The following MEGF9 variants were observed in gnomAD, a reference collection of about 807,000 sequenced individuals.
The protein encoded by MEGF9 is multiple epidermal growth factor-like domains protein 9.
In MEGF9, 6 loss-of-function variants were observed where a neutral mutation model predicts 46.8. That is an observed-to-expected ratio of 0.13 (90% CI 0.07 to 0.25). The LOEUF (loss-of-function observed/expected upper bound fraction) is 0.25. Among genes scored for constraint, MEGF9 ranks in the 10% least tolerant of loss-of-function variants. MEGF9 has a pLI of 1.00. For synonymous variants in MEGF9, 302 were observed against 330.7 expected (o/e 0.91, Z 0.94); for missense variants, 683 against 792.4 (o/e 0.86, Z 1.66).
intron 1 of MEGF9, among the ~76,000 whole-genome samples, chr9:120,701,588 C>T (rs1343516969): frequency 6.6e-6 from 1 of 152,152 alleles, no homozygotes; most frequent in East Asian, 1.9e-4. Context: ...AACATATGGA[C>T]AGACTGAAAC....
chr9:120,613,592 AAAAAC>A (rs1231379464), intron 3 of MEGF9, among the ~76,000 whole-genome samples: 1 of 152,162 alleles, frequency 6.6e-6, no homozygotes, highest in East Asian at 1.9e-4. Flanking sequence ...AAGAAAAGAA[AAAAAC>A]AAAACAAAGT....
At chr9:120,696,770 G>T (rs529321094) in intron 1 of MEGF9, among the ~76,000 whole-genome samples, 1 of 152,128 alleles carries the variant, frequency 6.6e-6, no homozygotes, top group Non-Finnish European at 1.5e-5. Flanking sequence ...GAATTATAGT[G>T]AAACATAAAT....
chr9:120,683,436 C>G (rs1422808999), intron 1 of MEGF9, among the ~76,000 whole-genome samples: 1 of 152,174 alleles, frequency 6.6e-6, no homozygotes, highest in Non-Finnish European at 1.5e-5. Context: ...GGGGCAGTTT[C>G]CCTCATGCTC....
chr9:120,693,022 C>T (rs2043856795), intron 1 of MEGF9, among the ~76,000 whole-genome samples: 1 of 152,124 alleles, frequency 6.6e-6, no homozygotes, highest in South Asian at 2.1e-4. Flanking sequence ...TCTTATTTGT[C>T]TTTCCAGTAT....
intron 1 of MEGF9, among the ~76,000 whole-genome samples, chr9:120,678,288 C>T (rs1249675519): frequency 6.6e-6 from 1 of 152,132 alleles, no homozygotes; most frequent in Non-Finnish European, 1.5e-5. Flanking sequence ...TATGGATTTC[C>T]TTTGAGTATA....
chr9:120,630,830 T>A (rs2043547568), intron 2 of MEGF9, among the ~76,000 whole-genome samples: 1 of 152,252 alleles, frequency 6.6e-6, no homozygotes, highest in African/African-American at 2.4e-5. Context: ...TGCCCATTTT[T>A]AAAATTATTT....
intron 1 of MEGF9, among the ~76,000 whole-genome samples, chr9:120,678,449 A>G (rs1048237585): frequency 2.0e-5 from 3 of 151,642 alleles, no homozygotes; most frequent in Admixed American, 2.0e-4. Flanking sequence ...ACCAGCATTT[A>G]TTACTGTCTG....
At chr9:120,644,305 T>A (rs1047999926) in intron 2 of MEGF9, among the ~76,000 whole-genome samples, 2 of 152,188 alleles carry the variant, frequency 1.3e-5, no homozygotes, top group Admixed American at 1.3e-4. Flanking sequence ...TCTGATCTCT[T>A]GTCACAATTA....
At chr9:120,648,577 C>A (rs2043635403) in intron 2 of MEGF9, among the ~76,000 whole-genome samples, 1 of 152,090 alleles carries the variant, frequency 6.6e-6, no homozygotes, top group Non-Finnish European at 1.5e-5. Context: ...AGTCCACTAG[C>A]CAGTAAGTTC....
At chr9:120,622,166 T>C (rs995672555) in intron 3 of MEGF9, among the ~76,000 whole-genome samples, 8 of 152,238 alleles carry the variant, frequency 5.3e-5, no homozygotes, top group African/African-American at 1.2e-4. Flanking sequence ...GTGGGAAAGC[T>C]GGCCTTGTGT....
Position 120,713,966 on chromosome 9 carries a change from T to A in MEGF9, c.393A>T (p.Glu131Asp). ...GCGCCTGAGAGGTGGTCGAAGTGCG[T>A]TCCGCCGCCGGAGGGGTGGTCGGCG... ...GPSPTTPPAA[E>D]RTSTTSQAPT... is the part of the protein sequence containing the mutation. The change falls in exon 1 of 6, where the codon GAA becomes GAT. Residue 131 changes from glutamate to aspartate, a missense_variant. By Grantham distance (45) the Glu-to-Asp change is conservative (BLOSUM62 2). Around this residue, in one of 2 missense-constraint regions of MEGF9, gnomAD observed 370 missense variants for 371.3 expected, o/e 1.00. Transcript: ENST00000373930. 1 of 1,381,096 alleles carries A rather than the reference T, an allele frequency of 7.2e-7. No homozygotes were observed. The highest frequency in any genetic ancestry group is 9.4e-7 in the Non-Finnish European group (1 of 1,063,418). The allele number at this position is 1,381,096 out of a possible 1,614,324, so 85.6% of individuals were successfully genotyped here.
intron 1 of MEGF9, among the ~76,000 whole-genome samples, chr9:120,673,619 T>G (rs1273815066): frequency 6.6e-6 from 1 of 151,680 alleles, no homozygotes; most frequent in Non-Finnish European, 1.5e-5. Flanking sequence ...TTGGTACAGT[T>G]GGACATCCAT....
At chr9:120,712,840 G>A (rs1335238580) in intron 1 of MEGF9, among the ~76,000 whole-genome samples, 1 of 152,194 alleles carries the variant, frequency 6.6e-6, no homozygotes, top group Non-Finnish European at 1.5e-5. Context: ...GTAGGCTTTT[G>A]TTTTGTTTTG....
Position 120,612,413 on chromosome 9 carries a change from G to T in MEGF9, c.1070C>A (p.Thr357Lys). Residue 357 changes from threonine (T) to lysine (K), a missense_variant, in exon 4 of 6, where the codon ACA becomes AAA. By Grantham distance (78) the Thr-to-Lys change is moderately conservative (BLOSUM62 -1). Coordinates refer to ENST00000373930, the MANE Select transcript of MEGF9 (RefSeq NM_001080497.3). ...GGCCTTACTTATAGAGCAGCTGCCT[G>T]TAGATGTCACTGCTGAACAAGGGCA... ...LRCPCSAVTS[T>K]GSCSIKSSEL... The T allele has an allele frequency of 6.2e-7, 1 of 1,612,354 alleles. No individual in the cohort carries two copies. Among genetic ancestry groups the T allele is most frequent in the Non-Finnish European group, 8.5e-7 (1 of 1,179,274 alleles).
At chr9:120,711,673 T>G (rs2043953541) in intron 1 of MEGF9, among the ~76,000 whole-genome samples, 1 of 152,190 alleles carries the variant, frequency 6.6e-6, no homozygotes, top group Non-Finnish European at 1.5e-5. Context: ...TTACACAGAT[T>G]TATTTATCAG....
At chr9:120,672,275 A>C (rs1195079547) in intron 1 of MEGF9, among the ~76,000 whole-genome samples, 1 of 152,110 alleles carries the variant, frequency 6.6e-6, no homozygotes, top group African/African-American at 2.4e-5. Context: ...AAAAGAAAGA[A>C]ATGGTCTTCA....
chr9:120,667,216 T>C (rs904200189), intron 1 of MEGF9, among the ~76,000 whole-genome samples: 3 of 152,192 alleles, frequency 2.0e-5, no homozygotes, highest in South Asian at 2.1e-4. Flanking sequence ...CAACTAATGA[T>C]TGAGGCTTTT....
At chr9:120,678,546 C>T (rs1197006414) in intron 1 of MEGF9, among the ~76,000 whole-genome samples, 1 of 152,184 alleles carries the variant, frequency 6.6e-6, no homozygotes, top group African/African-American at 2.4e-5. Flanking sequence ...GATCTTGGCT[C>T]ACTGCAACCT....
chr9:120,620,741 G>A (rs2043495816), intron 3 of MEGF9, among the ~76,000 whole-genome samples: 1 of 152,026 alleles, frequency 6.6e-6, no homozygotes, highest in South Asian at 2.1e-4. Context: ...CCTGGGACCA[G>A]GGAACATGCC....
Sources: gnomAD v4.1 joint callset for allele counts (sites outside exome capture counted in the v4.1 genomes callset) on GRCh38, gnomAD v4.1.1 for gene constraint, gnomAD v4.1.1 regional missense constraint, MANE v1.5 for transcripts, NCBI Gene and HGNC (gene_info 2026-07-23, HGNC 2026-07-21) for gene names.